NCOR1: variants seen among roughly 807,000 people sequenced by gnomAD.
NCOR1 encodes the protein nuclear receptor corepressor 1.
Under a neutral mutation model 288.1 loss-of-function variants are expected in NCOR1, and 63 were observed. The observed-to-expected ratio is 0.22, with a 90% CI of 0.18 to 0.27. NCOR1 has a LOEUF of 0.27. NCOR1 is among the 10% of genes least tolerant of loss of function. The probability of loss-of-function intolerance (pLI) is 1.00; values close to 1 mark genes in which losing one functional copy is unlikely to be tolerated. For synonymous variants in NCOR1, 1,007 were observed against 1,065.9 expected (o/e 0.94, Z 1.08); for missense variants, 2,397 against 3,019.2 (o/e 0.79, Z 4.83).
chr17:16,093,430 G>C (rs745583458), intron 21 of NCOR1, among the ~76,000 whole-genome samples: 2 of 152,144 alleles, frequency 1.3e-5, no homozygotes, highest in Non-Finnish European at 2.9e-5. Context: ...TGCTTTCACA[G>C]TACACAGTAT....
chr17:16,108,536 T>G (rs193058942), intron 19 of NCOR1, among the ~76,000 whole-genome samples: 3 of 152,318 alleles, frequency 2.0e-5, no homozygotes, highest in African/African-American at 7.2e-5. Flanking sequence ...ACACAGGTAT[T>G]TTATTGATGT....
At chr17:16,093,168 G>C (rs1905758340) in intron 21 of NCOR1, among the ~76,000 whole-genome samples, 1 of 152,116 alleles carries the variant, frequency 6.6e-6, no homozygotes, top group South Asian at 2.1e-4. Context: ...ATGTTAAAGG[G>C]AACTTCCCAT....
At position 16,042,275 on chromosome 17, in the gene NCOR1, TATC is replaced by T. The variant is rs924018336; in HGVS notation, c.6680-1784_6680-1782del. 2.0e-5 allele frequency among the ~76,000 whole-genome samples: 3 copies of T among 150,386 alleles called. No individual in the cohort carries two copies. The Admixed American group carries it at 2.0e-4, about 10-fold the overall frequency. ...TGAGCCTGAAACAGCAGAGCCCTGT[TATC>T]ATGAAGTGTGTGGAACAGGAGTCAT... is the stretch of plus-strand genomic sequence containing the variant. On this transcript the variant is annotated intron_variant, in intron 42 of 45. Transcript: ENST00000268712.
At chr17:16,039,889 C>G in intron 43 of NCOR1, 1 of 462,966 alleles carries the variant, frequency 2.2e-6, no homozygotes. Flanking sequence ...CTCCCAGATT[C>G]AAGGGATTCT....
At position 16,061,579 on chromosome 17, in the gene NCOR1, A is replaced by G. The variant is rs1250492725; in HGVS notation, c.5703T>C (p.Ser1901=). ...GAGGCCCTTTATCTTTCCCAGCCTC[A>G]GAATAAACTACTGAAGAATGAGGCT... ...KPQPHSSVVY[S]EAGKDKGPPP... is the part of the protein sequence containing the mutation. The change falls in exon 37 of 46, where the codon TCT becomes TCC. Residue 1901 remains serine, a synonymous_variant. Transcript: ENST00000268712. 6.2e-7 allele frequency: 1 copy of G among 1,614,226 alleles called. No individual in the cohort carries two copies. Among genetic ancestry groups the G allele is most frequent in the Non-Finnish European group, 8.5e-7 (1 of 1,180,044 alleles).
chr17:16,065,410 G>A, intron 33 of NCOR1, 75 bp downstream of exon 33: 1 of 1,444,324 alleles, frequency 6.9e-7, no homozygotes, highest in Non-Finnish European at 9.7e-7. Flanking sequence ...CATTCAACAA[G>A]TATTTACTGA....
intron 11 of NCOR1, among the ~76,000 whole-genome samples, chr17:16,140,781 T>C (rs1283549290): frequency 1.3e-5 from 2 of 151,882 alleles, no homozygotes; most frequent in African/African-American, 4.8e-5. Context: ...GCCACTGCAT[T>C]CCAGTCTGGC....
intron 19 of NCOR1, among the ~76,000 whole-genome samples, chr17:16,107,692 T>C (rs1243002508): frequency 6.6e-6 from 1 of 152,142 alleles, no homozygotes; most frequent in Non-Finnish European, 1.5e-5. Flanking sequence ...CAAGAGACTC[T>C]GACAACCTCT....
chr17:16,094,896 G>A, intron 21 of NCOR1, among the ~76,000 whole-genome samples: 1 of 151,934 alleles, frequency 6.6e-6, no homozygotes, highest in African/African-American at 2.4e-5. Context: ...GAGTGCAGTG[G>A]CGTGATCTCG....
At position 16,127,228 on chromosome 17, in the gene NCOR1, CAT is replaced by C. The variant is rs1415168663; in HGVS notation, c.1510-1024_1510-1023del. Among the ~76,000 whole-genome samples, 23 of 119,112 alleles carry C rather than the reference CAT, an allele frequency of 1.9e-4. 4 individuals are homozygous for C. Among genetic ancestry groups the C allele is most frequent in the South Asian group, 5.5e-4 (2 of 3,656 alleles). 78.1% of individuals were successfully genotyped at this position (119,112 alleles called of 152,430 possible). On this transcript the variant is annotated intron_variant, in intron 14 of 45. Coordinates refer to ENST00000268712, the MANE Select transcript of NCOR1 (RefSeq NM_006311.4). ...ATGTATATATCTGTATGTATATATA[CAT>C]GTATGCATATATGTATGTATATATG... is the stretch of plus-strand genomic sequence containing the variant.
chr17:16,132,396 A>C (rs1568235982), intron 14 of NCOR1, among the ~76,000 whole-genome samples: 1 of 152,218 alleles, frequency 6.6e-6, no homozygotes. Flanking sequence ...TAGCAAGAAC[A>C]ATGTACATAG....
In NCOR1 at chr17:16,098,477, T is replaced by C; in HGVS notation, c.2710A>G (p.Lys904Glu). 10 of 1,611,118 alleles carry C rather than the reference T, an allele frequency of 6.2e-6. No individual in the cohort carries two copies. Among genetic ancestry groups the C allele is most frequent in the African/African-American group, 1.3e-5 (1 of 74,928 alleles). Residue 904 changes from lysine to glutamate, a missense_variant, in exon 21 of 46, where the codon AAG (lysine) becomes GAG (glutamate). By Grantham distance (56) the Lys-to-Glu change is moderately conservative. Transcript: ENST00000268712. ...CCAGTGGGGTTTAACAGTGAAGGCT[T>C]TGAGTCCATAGGAAACATTCTGCAA... is the stretch of plus-strand genomic sequence containing the variant. ...ERQRMFPMDSKPSLLNPTGSI... is the reference protein window; with the variant it reads ...ERQRMFPMDSEPSLLNPTGSI...
At chr17:16,126,308 T>TA in intron 14 of NCOR1, 102 bp from the exon 15 acceptor site, 1 of 1,194,340 alleles carries the variant, frequency 8.4e-7, no homozygotes, top group Non-Finnish European at 1.1e-6. Context: ...AAATGATTGT[T>TA]AGTCATTTAC....
chr17:16,077,938 A>G (rs2062808652), intron 26 of NCOR1, among the ~76,000 whole-genome samples: 1 of 152,236 alleles, frequency 6.6e-6, no homozygotes. Context: ...TGAGGGAAAA[A>G]TAACTTTCAA....
intron 19 of NCOR1, among the ~76,000 whole-genome samples, chr17:16,102,587 C>T (rs937390837): frequency 7.3e-5 from 11 of 150,204 alleles, no homozygotes; most frequent in African/African-American, 2.7e-4. Flanking sequence ...TTTACATTTT[C>T]TGCATATCTA....
At chr17:16,186,207 T>C (rs2086651428) in intron 3 of NCOR1, among the ~76,000 whole-genome samples, 1 of 152,060 alleles carries the variant, frequency 6.6e-6, no homozygotes, top group Non-Finnish European at 1.5e-5. Flanking sequence ...GGCGATAAAA[T>C]AAAGCCTGGG....
At chr17:16,206,425 G>A (rs1317330774) in intron 1 of NCOR1, among the ~76,000 whole-genome samples, 1 of 151,494 alleles carries the variant, frequency 6.6e-6, no homozygotes, top group Non-Finnish European at 1.5e-5. Context: ...TCACTCTGTC[G>A]CCCAGGCTGG....
In NCOR1 at chr17:16,166,541, G is replaced by A. The variant is rs148510663; in HGVS notation, c.436-1380C>T. Among the ~76,000 whole-genome samples the A allele has an allele frequency of 3.6e-3, 541 of 152,062 alleles. 8 individuals are homozygous for A. The highest frequency in any genetic ancestry group is 0.012 in the African/African-American group (501 of 41,464). ...TAAAAAATACAAAAATTAGCTGGGCGTGGTGGCGGGCACCTGTAGTCCCAG... is the reference window on the plus strand; with the variant it reads ...TAAAAAATACAAAAATTAGCTGGGCATGGTGGCGGGCACCTGTAGTCCCAG... On this transcript the variant is annotated intron_variant, in intron 4 of 45. Coordinates refer to ENST00000268712, the MANE Select transcript of NCOR1 (RefSeq NM_006311.4).
At chr17:16,175,518 CGAACTTTAAA>C (rs1295433399) in intron 3 of NCOR1, among the ~76,000 whole-genome samples, 4 of 152,020 alleles carry the variant, frequency 2.6e-5, no homozygotes, top group Non-Finnish European at 5.9e-5. Context: ...CTTTATCATT[CGAACTTTAAA>C]GAATTTTAAA....
Sources: allele counts gnomAD v4.1 joint callset (sites outside exome capture counted in the v4.1 genomes callset), GRCh38; gene constraint gnomAD v4.1.1; transcripts MANE v1.5; gene names NCBI Gene and HGNC (gene_info 2026-07-23, HGNC 2026-07-21).